GPR89B: variants seen among roughly 807,000 people sequenced by gnomAD.
GPR89B encodes G protein-coupled receptor 89B.
Under a neutral mutation model 52.4 loss-of-function variants are expected in GPR89B, and 25 were observed. The observed-to-expected ratio is 0.48, with a 90% CI of 0.35 to 0.67. The LOEUF (loss-of-function observed/expected upper bound fraction) is 0.67, where lower values mean the gene tolerates loss of function less well. Ranked by LOEUF, GPR89B falls within the 30% of genes least tolerant of loss-of-function variation. The pLI, the probability that GPR89B is intolerant of heterozygous loss-of-function variation, is 0.01. For missense variants in GPR89B, 146 were observed against 450.2 expected (o/e 0.32, Z 6.11); for synonymous variants, 52 against 151.2 (o/e 0.34, Z 4.81).
intron 3 of GPR89B, 140 bp downstream of exon 3, chr1:147,938,957 C>T: frequency 2.7e-6 from 2 of 746,746 alleles, no homozygotes; most frequent in African/African-American, 1.9e-5. Context: ...ATGATCACAA[C>T]AGATATGGGT....
chr1:147,979,407 C>T (rs200791840), intron 10 of GPR89B, among the ~76,000 whole-genome samples: 22,933 of 151,872 alleles, frequency 0.15, 1,965 homozygotes, highest in East Asian at 0.38. Context: ...ATTGCACTGA[C>T]TAAAACCTTC....
intron 10 of GPR89B, among the ~76,000 whole-genome samples, chr1:147,982,989 T>C (rs1172449542): frequency 1.3e-5 from 2 of 151,788 alleles, no homozygotes; most frequent in Admixed American, 6.6e-5. Context: ...TTTTTGTACA[T>C]TGGCACCGAA....
chr1:147,977,655 C>T (rs1657942601), intron 10 of GPR89B, among the ~76,000 whole-genome samples: 1 of 150,204 alleles, frequency 6.7e-6, no homozygotes, highest in Non-Finnish European at 1.5e-5. Context: ...TTTATGTAAT[C>T]CCATAGTTCT....
At chr1:147,972,763 A>G (rs1194188554) in intron 10 of GPR89B, among the ~76,000 whole-genome samples, 3 of 149,388 alleles carry the variant, frequency 2.0e-5, no homozygotes, top group Admixed American at 2.0e-4. Flanking sequence ...CCCATCACCT[A>G]GGTATTAAGC....
chr1:148,007,013 A>G, the GPR89B span, among the ~76,000 whole-genome samples: 27 of 151,526 alleles, frequency 1.8e-4, no homozygotes, highest in Middle Eastern at 3.4e-3. Flanking sequence ...CACTGTGCCC[A>G]GCCACTTTAC....
chr1:148,013,595 G>C, the GPR89B span, among the ~76,000 whole-genome samples: 59 of 152,146 alleles, frequency 3.9e-4, 1 homozygote, highest in Admixed American at 1.8e-3. Context: ...CGTTCCCTGA[G>C]GAGCAGTGCG....
the GPR89B span, among the ~76,000 whole-genome samples, chr1:148,020,978 GC>G: frequency 6.6e-6 from 1 of 151,718 alleles, no homozygotes; most frequent in African/African-American, 2.4e-5. Flanking sequence ...GTGAGCCCGG[GC>G]CCCGGAGAGG....
intron 2 of GPR89B, among the ~76,000 whole-genome samples, chr1:147,937,361 G>A (rs1462211181): frequency 2.0e-5 from 3 of 152,150 alleles, no homozygotes; most frequent in African/African-American, 7.2e-5. Context: ...AATTACTGAT[G>A]AGGGTCTGTG....
chr1:147,980,757 T>C (rs1452627952), intron 10 of GPR89B, among the ~76,000 whole-genome samples: 1 of 134,816 alleles, frequency 7.4e-6, no homozygotes, highest in East Asian at 2.3e-4. Context: ...AGGCGGAGCT[T>C]GCAGTGAGCC....
chr1:147,944,798 TGAATCTATCTAAAAAGATTAGA>T lies in GPR89B; in HGVS notation c.415+725_415+746del, dbSNP rs1181091296. Reference sequence around the variant, plus strand: ...TCCAGAACTATTTCAGAAGTATGTATGAATCTATCTAAAAAGATTAGAGAATCTATCTAAAAAGATTAGAGAG... The same window carrying T: ...TCCAGAACTATTTCAGAAGTATGTATGAATCTATCTAAAAAGATTAGAGAG... On this transcript the variant is annotated intron_variant, in intron 5 of 13. Transcript: ENST00000314163. Among the ~76,000 whole-genome samples the T allele has an allele frequency of 3.1e-3, 448 of 142,796 alleles. 11 individuals are homozygous for T. The East Asian group carries it at 0.052, about 17-fold the overall frequency. 93.7% of individuals were successfully genotyped at this position (142,796 alleles called of 152,430 possible). A position where few individuals can be genotyped will look rare whatever the true frequency, so the allele number is the denominator to read the frequency against.
chr1:147,990,470 A>G (rs1198653163), intron 12 of GPR89B, among the ~76,000 whole-genome samples: 2 of 152,040 alleles, frequency 1.3e-5, no homozygotes, highest in African/African-American at 4.8e-5. Flanking sequence ...CCATTTGTCA[A>G]TTTTGGCTTT....
intron 10 of GPR89B, among the ~76,000 whole-genome samples, chr1:147,970,491 A>ATTC (rs1219320826): frequency 1.9e-5 from 2 of 105,742 alleles, no homozygotes; most frequent in African/African-American, 6.9e-5. Flanking sequence ...GTGAGACTCC[A>ATTC]TCTCTCTCTC....
downstream of GPR89B, among the ~76,000 whole-genome samples, chr1:147,998,525 A>C (rs1280483848): frequency 1.3e-5 from 2 of 152,112 alleles, no homozygotes; most frequent in Non-Finnish European, 2.9e-5. Flanking sequence ...CCAAACAAGC[A>C]AACCAACTGT....
Position 147,992,489 on chromosome 1 carries a change from T to C in GPR89B, c.1096-13T>C, listed in dbSNP as rs1247427014. 2 of 1,611,450 alleles carry C rather than the reference T, an allele frequency of 1.2e-6. No homozygotes were observed. The highest frequency in any genetic ancestry group is 2.7e-5 in the African/African-American group (2 of 74,868). On this transcript the variant is annotated splice_polypyrimidine_tract_variant and intron_variant, in intron 12 of 13. Transcript: ENST00000314163. Reference sequence around the variant, plus strand: ...ACAGTACTGCATAAATTTATCTCCCTCTTTCTTGACAGTTCTTTTATGCCA... The same window carrying C: ...ACAGTACTGCATAAATTTATCTCCCCCTTTCTTGACAGTTCTTTTATGCCA...
intron 5 of GPR89B, among the ~76,000 whole-genome samples, chr1:147,950,682 G>A (rs1553250899): frequency 6.6e-6 from 1 of 152,196 alleles, no homozygotes; most frequent in African/African-American, 2.4e-5. Flanking sequence ...TGCAATCCCG[G>A]CACCTCGGGA....
chr1:147,985,409 A>G (rs1303218474), intron 10 of GPR89B, among the ~76,000 whole-genome samples: 8 of 151,938 alleles, frequency 5.3e-5, no homozygotes, highest in Non-Finnish European at 7.4e-5. Context: ...TTTTTATCCA[A>G]TCTAACAACC....
intron 5 of GPR89B, among the ~76,000 whole-genome samples, chr1:147,949,217 C>G (rs587661868): frequency 1.3e-5 from 2 of 152,276 alleles, no homozygotes; most frequent in East Asian, 1.9e-4. Context: ...GCCTTTCCCC[C>G]CTTTCCATTC....
At chr1:147,983,573 A>G in intron 10 of GPR89B, among the ~76,000 whole-genome samples, 1 of 152,198 alleles carries the variant, frequency 6.6e-6, no homozygotes, top group African/African-American at 2.4e-5. Context: ...AACACAAGAA[A>G]AAATGCTCAC....
chr1:147,991,610 C>T (rs1325793493), intron 12 of GPR89B, among the ~76,000 whole-genome samples: 7 of 152,048 alleles, frequency 4.6e-5, no homozygotes, highest in Non-Finnish European at 8.8e-5. Flanking sequence ...CTTACGATTT[C>T]GAGATACGTC....
Sources: gnomAD v4.1 joint callset for allele counts (sites outside exome capture counted in the v4.1 genomes callset) on GRCh38, gnomAD v4.1.1 for gene constraint, MANE v1.5 for transcripts, NCBI Gene and HGNC (gene_info 2026-07-23, HGNC 2026-07-21) for gene names.